Variants in NRG3 observed in about 807,000 individuals in gnomAD.
NRG3 encodes the protein neuregulin 3.
Under a neutral mutation model 66.9 loss-of-function variants are expected in NRG3, and 31 were observed. The ratio of observed to expected loss-of-function variants is 0.46; its 90% CI spans 0.35 to 0.63. The LOEUF is 0.63. NRG3 is among the 20% of genes least tolerant of loss of function. The pLI is 0.00. For missense variants in NRG3, 910 were observed against 878.9 expected (o/e 1.04, Z -0.45); for synonymous variants, 393 against 359.4 (o/e 1.09, Z -1.06).
intron 1 of NRG3, among the ~76,000 whole-genome samples, chr10:82,246,027 C>T (rs921387578): frequency 6.0e-5 from 8 of 133,810 alleles, no homozygotes; most frequent in African/African-American, 8.7e-5. Context: ...GTGAAACACT[C>T]GGGTATTTAT....
At chr10:81,911,035 G>A (rs945884263) in intron 1 of NRG3, among the ~76,000 whole-genome samples, 6 of 152,054 alleles carry the variant, frequency 3.9e-5, no homozygotes, top group Admixed American at 2.6e-4. Flanking sequence ...ACTTATCCTT[G>A]GAATATATGT....
intron 2 of NRG3, among the ~76,000 whole-genome samples, chr10:82,654,608 T>G (rs2051698085): frequency 6.6e-6 from 1 of 152,212 alleles, no homozygotes; most frequent in African/African-American, 2.4e-5. Context: ...AACATGCCTG[T>G]TCGAAAGTCT....
At chr10:82,560,073 T>G (rs1455282451) in intron 2 of NRG3, among the ~76,000 whole-genome samples, 2 of 151,948 alleles carry the variant, frequency 1.3e-5, no homozygotes, top group African/African-American at 4.8e-5. Context: ...TAAGTTTATC[T>G]TCAAGTATTC....
intron 1 of NRG3, among the ~76,000 whole-genome samples, chr10:82,145,289 G>T (rs1297710690): frequency 6.6e-6 from 1 of 152,160 alleles, no homozygotes; most frequent in Non-Finnish European, 1.5e-5. Flanking sequence ...TTTCATAAAT[G>T]TGTGAAAATT....
At chr10:82,743,225 C>T (rs1470436471) in intron 3 of NRG3, among the ~76,000 whole-genome samples, 1 of 152,054 alleles carries the variant, frequency 6.6e-6, no homozygotes, top group Admixed American at 6.5e-5. Context: ...CACTTGGAGT[C>T]GTCTAGCCCC....
chr10:82,606,112 T>C (rs2047945633), intron 2 of NRG3, among the ~76,000 whole-genome samples: 1 of 152,162 alleles, frequency 6.6e-6, no homozygotes, highest in Non-Finnish European at 1.5e-5. Flanking sequence ...TCCTAAGGCA[T>C]GATCTTAGAC....
chr10:82,308,268 G>T (rs2080850976), intron 1 of NRG3, among the ~76,000 whole-genome samples: 1 of 152,058 alleles, frequency 6.6e-6, no homozygotes, highest in Non-Finnish European at 1.5e-5. Context: ...TGTATTTTTA[G>T]TTAAGAGGCA....
At chr10:82,875,413 A>C (rs773873393) in intron 4 of NRG3, among the ~76,000 whole-genome samples, 3 of 152,130 alleles carry the variant, frequency 2.0e-5, no homozygotes, top group Non-Finnish European at 1.5e-5. Context: ...GCTGGAGTGC[A>C]GTGGTGTAAT....
At chr10:82,207,918 G>T (rs949288167) in intron 1 of NRG3, among the ~76,000 whole-genome samples, 1 of 152,056 alleles carries the variant, frequency 6.6e-6, no homozygotes, top group African/African-American at 2.4e-5. Flanking sequence ...ATGAGATTTT[G>T]GTTGGGCACA....
At chr10:82,232,059 A>G (rs1478714190) in intron 1 of NRG3, among the ~76,000 whole-genome samples, 2 of 152,152 alleles carry the variant, frequency 1.3e-5, no homozygotes, top group Non-Finnish European at 2.9e-5. Context: ...TTTGCAAATT[A>G]CTATGGTAGG....
intron 1 of NRG3, among the ~76,000 whole-genome samples, chr10:82,006,166 A>G (rs182655276): frequency 2.1e-4 from 32 of 151,800 alleles, no homozygotes; most frequent in African/African-American, 7.5e-4. Context: ...ATGTTAGCTG[A>G]TTATTTTCAT....
At chr10:82,006,673 T>G (rs10786811) in intron 1 of NRG3, among the ~76,000 whole-genome samples, 3 of 151,850 alleles carry the variant, frequency 2.0e-5, no homozygotes, top group African/African-American at 2.4e-5. Flanking sequence ...AGCCGGTTAT[T>G]TCTGCACCAT....
chr10:82,935,887 A>AT (rs1848021294), intron 4 of NRG3, among the ~76,000 whole-genome samples: 1 of 152,176 alleles, frequency 6.6e-6, no homozygotes, highest in South Asian at 2.1e-4. Context: ...AAAAAAAAAA[A>AT]ATCTAGACAT....
intron 1 of NRG3, among the ~76,000 whole-genome samples, chr10:82,019,683 G>A (rs2061968778): frequency 1.3e-5 from 2 of 152,106 alleles, no homozygotes; most frequent in African/African-American, 4.8e-5. Flanking sequence ...TATGTGTCGA[G>A]GAATTTATCC....
At chr10:82,872,660 A>G (rs2135996465) in intron 4 of NRG3, among the ~76,000 whole-genome samples, 1 of 152,256 alleles carries the variant, frequency 6.6e-6, no homozygotes, top group Non-Finnish European at 1.5e-5. Flanking sequence ...TCTAAAACTA[A>G]AAAGAGAAAG....
intron 3 of NRG3, among the ~76,000 whole-genome samples, chr10:82,786,005 C>T (rs930280674): frequency 3.3e-5 from 5 of 152,198 alleles, no homozygotes; most frequent in African/African-American, 7.2e-5. Flanking sequence ...ATGGATGTTG[C>T]GAAGAACCTG....
intron 1 of NRG3, among the ~76,000 whole-genome samples, chr10:82,207,434 T>C (rs1201245114): frequency 6.6e-6 from 1 of 152,168 alleles, no homozygotes; most frequent in Non-Finnish European, 1.5e-5. Context: ...GTGGGATGAA[T>C]AACATGTCTA....
intron 2 of NRG3, among the ~76,000 whole-genome samples, chr10:82,453,558 G>A (rs2091121385): frequency 6.6e-6 from 1 of 151,940 alleles, no homozygotes; most frequent in Non-Finnish European, 1.5e-5. Flanking sequence ...ACACAAAATT[G>A]TCTCCACAAT....
chr10:82,674,755 C>T (rs1163779658), intron 2 of NRG3, among the ~76,000 whole-genome samples: 1 of 151,812 alleles, frequency 6.6e-6, no homozygotes, highest in Non-Finnish European at 1.5e-5. Context: ...TTTTGTTCCC[C>T]ACCCCCACCT....
Sources: allele counts gnomAD v4.1 joint callset (sites outside exome capture counted in the v4.1 genomes callset), GRCh38; gene constraint gnomAD v4.1.1; transcripts MANE v1.5; gene names NCBI Gene and HGNC (gene_info 2026-07-23, HGNC 2026-07-21).